Variants in NTRK3 observed in about 807,000 individuals in gnomAD.
The protein encoded by NTRK3 is neurotrophic receptor tyrosine kinase 3, also known as NT-3 growth factor receptor.
NTRK3 carries 24 observed loss-of-function variants against 91.7 expected under a neutral mutation model. That is an observed-to-expected ratio of 0.26 (90% CI 0.19 to 0.37). The LOEUF (loss-of-function observed/expected upper bound fraction) is 0.37. Among genes scored for constraint, NTRK3 ranks in the 10% least tolerant of loss-of-function variants. The pLI, the probability that NTRK3 is intolerant of heterozygous loss-of-function variation, is 1.00. For synonymous variants in NTRK3, 483 were observed against 404.0 expected (o/e 1.20, Z -2.34); for missense variants, 880 against 1,068.9 (o/e 0.82, Z 2.46).
chr15:87,950,464 C>T (rs918206080), intron 14 of NTRK3, among the ~76,000 whole-genome samples: 12 of 151,992 alleles, frequency 7.9e-5, no homozygotes, highest in Non-Finnish European at 1.2e-4. Context: ...ACAACAGACA[C>T]GAAGAAAAGA....
At chr15:88,072,762 T>G in intron 13 of NTRK3, 1 of 232,976 alleles carries the variant, frequency 4.3e-6, no homozygotes, top group Non-Finnish European at 8.5e-6. Context: ...GGGGAGAGGC[T>G]AATAAGGACT....
At chr15:88,076,884 G>A (rs1308847408) in intron 13 of NTRK3, among the ~76,000 whole-genome samples, 1 of 152,054 alleles carries the variant, frequency 6.6e-6, no homozygotes, top group Non-Finnish European at 1.5e-5. Flanking sequence ...CCTGAGGTCA[G>A]GAGTTTGAGA....
intron 17 of NTRK3, among the ~76,000 whole-genome samples, chr15:87,923,331 C>T (rs376264421): frequency 8.5e-5 from 13 of 152,168 alleles, no homozygotes; most frequent in African/African-American, 3.1e-4. Context: ...CACTTTCAGG[C>T]CAGGTCTATT....
At chr15:87,958,927 T>G (rs1265436009) in intron 14 of NTRK3, among the ~76,000 whole-genome samples, 1 of 152,156 alleles carries the variant, frequency 6.6e-6, no homozygotes, top group Non-Finnish European at 1.5e-5. Flanking sequence ...CAATGCACTC[T>G]ATCATTGCTT....
chr15:88,114,013 C>G (rs549104503), intron 13 of NTRK3, among the ~76,000 whole-genome samples: 1 of 152,056 alleles, frequency 6.6e-6, no homozygotes, highest in Admixed American at 6.6e-5. Context: ...GTACCCCCCC[C>G]ACCACCAACA....
intron 14 of NTRK3, among the ~76,000 whole-genome samples, chr15:87,971,564 G>C (rs1326671460): frequency 1.3e-5 from 2 of 152,226 alleles, no homozygotes; most frequent in East Asian, 3.9e-4. Flanking sequence ...CAAGAGGGCA[G>C]AGCTTGGAGA....
At chr15:88,017,730 G>C (rs1161928705) in intron 14 of NTRK3, among the ~76,000 whole-genome samples, 1 of 152,118 alleles carries the variant, frequency 6.6e-6, no homozygotes, top group Non-Finnish European at 1.5e-5. Flanking sequence ...CCCAGGCACA[G>C]GCTCCCTGTG....
intron 3 of NTRK3, among the ~76,000 whole-genome samples, chr15:88,244,582 C>G (rs2052653960): frequency 6.6e-6 from 1 of 150,634 alleles, no homozygotes; most frequent in African/African-American, 2.4e-5. Flanking sequence ...CCAAGTGGGG[C>G]TCAGACTTTC....
intron 13 of NTRK3, among the ~76,000 whole-genome samples, chr15:88,114,814 C>T (rs1014450185): frequency 2.0e-5 from 3 of 152,150 alleles, no homozygotes; most frequent in South Asian, 2.1e-4. Flanking sequence ...GTTTTCTTAC[C>T]ATTTGCATAT....
intron 3 of NTRK3, among the ~76,000 whole-genome samples, chr15:88,249,853 G>A (rs574332452): frequency 6.6e-6 from 1 of 152,164 alleles, no homozygotes; most frequent in African/African-American, 2.4e-5. Context: ...TTCATCACCA[G>A]CATCTGAGTG....
intron 11 of NTRK3, 148 bp from the exon 12 acceptor site, chr15:88,127,374 C>T (rs2053402146): frequency 1.4e-6 from 1 of 723,964 alleles, no homozygotes; most frequent in Non-Finnish European, 2.5e-6. Flanking sequence ...CTGCCTTCCC[C>T]AGGCTTTGCA....
intron 17 of NTRK3, among the ~76,000 whole-genome samples, chr15:87,886,536 T>TA (rs2065544262): frequency 1.3e-5 from 2 of 150,986 alleles, no homozygotes; most frequent in Admixed American, 6.6e-5. Flanking sequence ...TGTAAAAATG[T>TA]ATATGTGGAT....
At chr15:88,149,494 A>G (rs1344226292) in intron 5 of NTRK3, among the ~76,000 whole-genome samples, 1 of 152,218 alleles carries the variant, frequency 6.6e-6, no homozygotes, top group Non-Finnish European at 1.5e-5. Context: ...CTCTGGTATG[A>G]CAGCACATGC....
intron 11 of NTRK3, among the ~76,000 whole-genome samples, chr15:88,127,687 C>T (rs576610332): frequency 6.6e-6 from 1 of 152,312 alleles, no homozygotes; most frequent in East Asian, 1.9e-4. Context: ...CTGTGCCCTC[C>T]CTCTTTCCTT....
intron 10 of NTRK3, among the ~76,000 whole-genome samples, chr15:88,131,759 G>A (rs8035239): frequency 0.54 from 82,862 of 152,182 alleles, 24,015 homozygotes; most frequent in African/African-American, 0.76. Flanking sequence ...CCTTTGCCAG[G>A]GCCTGGAAGC....
At chr15:88,008,450 C>T (rs1223403228) in intron 14 of NTRK3, among the ~76,000 whole-genome samples, 1 of 152,038 alleles carries the variant, frequency 6.6e-6, no homozygotes, top group African/African-American at 2.4e-5. Flanking sequence ...CACACAAAGA[C>T]CAAGAACCAG....
exon 19 of NTRK3, chr15:87,861,966 A>C (rs1039552303): frequency 4.7e-6 from 1 of 213,894 alleles, no homozygotes; most frequent in African/African-American, 2.3e-5. Flanking sequence ...GTTCTAAGGG[A>C]AAATAACTTG....
At chr15:87,892,825 G>A (rs2065917337) in intron 17 of NTRK3, among the ~76,000 whole-genome samples, 1 of 152,040 alleles carries the variant, frequency 6.6e-6, no homozygotes, top group South Asian at 2.1e-4. Flanking sequence ...AATTCAGTGG[G>A]GTAACTGCAA....
At chr15:88,076,937 T>C (rs1035654593) in intron 13 of NTRK3, among the ~76,000 whole-genome samples, 3 of 151,786 alleles carry the variant, frequency 2.0e-5, no homozygotes, top group Non-Finnish European at 4.4e-5. Context: ...CTACCAAAAA[T>C]ACAAAAAATT....
Sources: allele counts gnomAD v4.1 joint callset (sites outside exome capture counted in the v4.1 genomes callset), GRCh38; gene constraint gnomAD v4.1.1; transcripts MANE v1.5; gene names NCBI Gene and HGNC (gene_info 2026-07-23, HGNC 2026-07-21).